Variants in TRMT5 observed in about 807,000 individuals in gnomAD.
TRMT5 encodes the protein tRNA (guanine(37)-N(1))-methyltransferase.
A neutral mutation model predicts 42.2 loss-of-function variants in TRMT5; 31 were observed. That is an observed-to-expected ratio of 0.73 (90% CI 0.55 to 0.99). The LOEUF (loss-of-function observed/expected upper bound fraction) is 0.99, where lower values mean the gene tolerates loss of function less well. Among genes scored for constraint, TRMT5 ranks in the 50% least tolerant of loss-of-function variants. The pLI is 0.00. For synonymous variants in TRMT5, 198 were observed against 209.6 expected (o/e 0.94, Z 0.48); for missense variants, 568 against 595.0 (o/e 0.95, Z 0.47).
chr14:60,981,361 G>C (rs985017193), upstream of TRMT5: 10 of 1,605,540 alleles, frequency 6.2e-6, no homozygotes, highest in Middle Eastern at 1.6e-4. Context: ...AGGCCGAAGA[G>C]TTGAGTCCGT....
In TRMT5 at chr14:60,975,677, GGGAA is replaced by G; in HGVS notation, c.1238_1241del (p.Leu413ProfsTer2). 6.2e-7 allele frequency: 1 copy of G among 1,614,188 alleles called. No individual in the cohort carries two copies. On this transcript the variant is annotated frameshift_variant, in exon 4 of 5. Transcript: ENST00000261249. LOFTEE classifies it high-confidence loss of function. The stretch of plus-strand genomic sequence containing the variant: ...TGGAAAAGCTATAACAATGCACTAT[GGGAA>G]GGAACTCACTGCTGCATGGCTGCCC...
At chr14:60,981,196 C>G, upstream of TRMT5, 1 of 1,538,302 alleles carries the variant, frequency 6.5e-7, no homozygotes, top group African/African-American at 1.4e-5. Context: ...CTCAAAGCTC[C>G]GCCTCTGGCG....
rs2036818704 is a variant in TRMT5, at chr14:60,974,554, T to C, written c.*555A>G. ...TCTAATTTTTAAAACTGATACATAA[T>C]AGATGTCATAAAATTTTCACGTCAC... On this transcript the variant is annotated 3_prime_UTR_variant, in exon 5 of 5. Coordinates refer to ENST00000261249, the MANE Select transcript of TRMT5 (RefSeq NM_020810.3). 1 of 152,202 alleles carries C rather than the reference T, an allele frequency of 6.6e-6. No homozygotes were observed. The highest frequency in any genetic ancestry group is 2.4e-5 in the African/African-American group (1 of 41,444). The allele number at this position is 152,202 out of a possible 1,614,324, so 9.4% of individuals were successfully genotyped here. A position where few individuals can be genotyped will look rare whatever the true frequency, so the allele number is the denominator to read the frequency against.
intron 1 of TRMT5, 82 bp downstream of exon 1, chr14:60,980,881 A>G (rs764707282): frequency 2.5e-6 from 4 of 1,602,816 alleles, no homozygotes; most frequent in Non-Finnish European, 3.4e-6. Context: ...TTCTGTGCCC[A>G]GGCAGCACAT....
chr14:60,981,210 C>G (rs1209307082), upstream of TRMT5: 6 of 1,546,788 alleles, frequency 3.9e-6, no homozygotes, highest in Non-Finnish European at 5.2e-6. Flanking sequence ...TCTGGCGCGA[C>G]CGACGACTGG....
At chr14:60,975,348 T>C in intron 4 of TRMT5, 127 bp downstream of exon 4, 1 of 1,354,340 alleles carries the variant, frequency 7.4e-7, no homozygotes, top group East Asian at 2.3e-5. Flanking sequence ...AGCCTTCTAT[T>C]AGACTGAACT....
upstream of TRMT5, chr14:60,981,453 C>T (rs144036194): frequency 3.1e-5 from 48 of 1,545,996 alleles, 2 homozygotes; most frequent in African/African-American, 4.9e-4. Flanking sequence ...CAAATAAGAC[C>T]CAGAAAAGGA....
In TRMT5 at chr14:60,972,215, A is replaced by G. The variant is rs1334141798; in HGVS notation, c.*2894T>C. 1.2e-5 allele frequency: 6 copies of G among 512,096 alleles called. No individual in the cohort carries two copies. Among genetic ancestry groups the G allele is most frequent in the Non-Finnish European group, 2.3e-5 (6 of 260,222 alleles). The allele number at this position is 512,096 out of a possible 1,614,324, so 31.7% of individuals were successfully genotyped here. On this transcript the variant is annotated 3_prime_UTR_variant, in exon 5 of 5. Coordinates refer to ENST00000261249, the MANE Select transcript of TRMT5 (RefSeq NM_020810.3). The stretch of plus-strand genomic sequence containing the variant: ...GAATATTTCAAACTGTACAGTCACC[A>G]GAAGTACAGTTATAAAAAATGCACA...
rs1415694787 is a variant in TRMT5 at position 60,973,934 on chromosome 14, T to C, written c.*1175A>G. On this transcript the variant is annotated 3_prime_UTR_variant, in exon 5 of 5. Transcript: ENST00000261249. ...TTTGTGAAGAAATTCTGCTTTGTTA[T>C]TTCCATTTTAAATTTTCTAATTTTT... The C allele has an allele frequency of 6.6e-6, 1 of 152,240 alleles. No individual in the cohort carries two copies. Among genetic ancestry groups the C allele is most frequent in the Non-Finnish European group, 1.5e-5 (1 of 68,050 alleles). The allele number at this position is 152,240 out of a possible 1,614,324, so 9.4% of individuals were successfully genotyped here. A position where few individuals can be genotyped will look rare whatever the true frequency, so the allele number is the denominator to read the frequency against.
rs1285433520 is a variant in TRMT5, at chr14:60,979,303, C to G, written c.595G>C (p.Gly199Arg). ...VLPEGQDVTS[G>R]FSRIGHIAHL... ...GCAATATGTCCAATCCTGCTAAACC[C>G]TGAAGTTACATCTTGACCTTCAGGA... Residue 199 changes from glycine to arginine, a missense_variant, in exon 2 of 5, where the codon GGG becomes CGG. Transcript: ENST00000261249. 1.2e-6 allele frequency: 2 copies of G among 1,614,134 alleles called. No individual in the cohort carries two copies.
At chr14:60,981,634 T>A, upstream of TRMT5, 1 of 1,452,036 alleles carries the variant, frequency 6.9e-7, no homozygotes, top group South Asian at 1.2e-5. Context: ...CAGCGTTGAG[T>A]GGAAGCTGCG....
In TRMT5 at chr14:60,972,625, G is replaced by T; in HGVS notation, c.*2484C>A. On this transcript the variant is annotated 3_prime_UTR_variant, in exon 5 of 5. Transcript: ENST00000261249. ...AAAATATAGCCCAATTTTTTGTAAT[G>T]CCTTTTTTGGTGAGAATAACATTGC... 1 of 325,966 alleles carries T rather than the reference G, an allele frequency of 3.1e-6. No individual in the cohort carries two copies. The highest frequency in any genetic ancestry group is 6.0e-6 in the Non-Finnish European group (1 of 167,536). The allele number at this position is 325,966 out of a possible 1,614,324, so 20.2% of individuals were successfully genotyped here.
chr14:60,975,189 G>A lies in TRMT5; in HGVS notation c.1450C>T (p.His484Tyr), dbSNP rs200972315. 5.9e-5 allele frequency: 95 copies of A among 1,601,972 alleles called. 1 individual carries two copies. In the Admixed American group the frequency reaches 1.7e-3, roughly 28 times the overall value. ...TGCCTTTTAAGAGGTGGATCTTCAT[G>A]ATTCTCTGTAATAAATCCAGAAAAC... ...YKNQTRNPENHEDPPLKRQRT... is the reference protein window; with the variant it reads ...YKNQTRNPENYEDPPLKRQRT... The change falls in exon 5 of 5, where the codon CAT becomes TAT. Residue 484 changes from histidine (H) to tyrosine (Y), a missense_variant. By Grantham distance (83) the His-to-Tyr change is moderately conservative. Coordinates refer to ENST00000261249, the MANE Select transcript of TRMT5 (RefSeq NM_020810.3).
At chr14:60,981,430 C>G, upstream of TRMT5, 2 of 1,551,436 alleles carry the variant, frequency 1.3e-6, no homozygotes, top group East Asian at 2.4e-5. Context: ...TCCGGCTTCC[C>G]TCAAGTGCCT....
At chr14:60,975,346 A>G (rs1361000590) in intron 4 of TRMT5, 129 bp downstream of exon 4, 3 of 1,351,686 alleles carry the variant, frequency 2.2e-6, no homozygotes, top group African/African-American at 1.5e-5. Context: ...ATAGCCTTCT[A>G]TTAGACTGAA....
At chr14:60,978,253 T>A (rs2036873211) in intron 2 of TRMT5, among the ~76,000 whole-genome samples, 1 of 152,250 alleles carries the variant, frequency 6.6e-6, no homozygotes, top group Non-Finnish European at 1.5e-5. Flanking sequence ...ATTTTTTTAG[T>A]TAGCACTTTA....
In TRMT5 at chr14:60,974,118, T is replaced by G. The variant is rs1213741476; in HGVS notation, c.*991A>C. On this transcript the variant is annotated 3_prime_UTR_variant, in exon 5 of 5. Transcript: ENST00000261249. ...CTGTACTTTAAAAATAACAACAAAGTCCACTTTTCTTGTTTTGCTATAATA... is the reference window on the plus strand; with the variant it reads ...CTGTACTTTAAAAATAACAACAAAGGCCACTTTTCTTGTTTTGCTATAATA... 6.6e-6 allele frequency: 1 copy of G among 152,178 alleles called. No homozygotes were observed. Among genetic ancestry groups the G allele is most frequent in the Admixed American group, 6.5e-5 (1 of 15,276 alleles). 9.4% of individuals were successfully genotyped at this position (152,178 alleles called of 1,614,324 possible).
rs1181048950 is a variant in TRMT5, at chr14:60,974,036, G to A, written c.*1073C>T. ...GGTAATGTCAATGGTTATTCTTTTA[G>A]CTTAGCTATATAGATGCTTTGTCGT... On this transcript the variant is annotated 3_prime_UTR_variant, in exon 5 of 5. Coordinates refer to ENST00000261249, the MANE Select transcript of TRMT5 (RefSeq NM_020810.3). 1.3e-5 allele frequency: 2 copies of A among 152,118 alleles called. No individual in the cohort carries two copies. Among genetic ancestry groups the A allele is most frequent in the African/African-American group, 4.8e-5 (2 of 41,410 alleles). The allele number at this position is 152,118 out of a possible 1,614,324, so 9.4% of individuals were successfully genotyped here.
Position 60,979,776 on chromosome 14 carries a change from A to G in TRMT5, c.122T>C (p.Met41Thr). 6.2e-7 allele frequency: 1 copy of G among 1,614,012 alleles called. No homozygotes were observed. The highest frequency in any genetic ancestry group is 1.3e-5 in the African/African-American group (1 of 74,994). The change falls in exon 2 of 5, where the codon ATG (methionine) becomes ACG (threonine). Residue 41 changes from methionine (M) to threonine (T), a missense_variant. Transcript: ENST00000261249. Reference sequence around the variant, plus strand: ...GAAAATACCAGGTGCTTCCAAAAGCATCTGTGTCAGGGATGTCCAAGCTAC... The same window carrying G: ...GAAAATACCAGGTGCTTCCAAAAGCGTCTGTGTCAGGGATGTCCAAGCTAC... ...IPVAWTSLTQ[M>T]LLEAPGIFLL...
Sources: gnomAD v4.1 joint callset for allele counts (sites outside exome capture counted in the v4.1 genomes callset) on GRCh38, gnomAD v4.1.1 for gene constraint, MANE v1.5 for transcripts, NCBI Gene and HGNC (gene_info 2026-07-23, HGNC 2026-07-21) for gene names.